The following IL23R variants were observed in gnomAD, a reference collection of about 807,000 sequenced individuals.
IL23R encodes the protein interleukin 23 receptor.
In IL23R, 34 loss-of-function variants were observed where a neutral mutation model predicts 56.9. That is an observed-to-expected ratio of 0.60 (90% confidence interval 0.45 to 0.80). The LOEUF (loss-of-function observed/expected upper bound fraction) is 0.80. IL23R is among the 30% of genes least tolerant of loss of function. The pLI is 0.00. For missense variants in IL23R, 635 were observed against 730.0 expected (o/e 0.87, Z 1.50); for synonymous variants, 230 against 249.2 (o/e 0.92, Z 0.73).
intron 1 of IL23R, among the ~76,000 whole-genome samples, chr1:67,155,527 T>C (rs1646764090): frequency 6.6e-6 from 1 of 152,174 alleles, no homozygotes; most frequent in Non-Finnish European, 1.5e-5. Context: ...CTGTGTGTCT[T>C]ATTTCAGCAA....
chr1:67,184,547 C>T (rs904847645), intron 4 of IL23R, among the ~76,000 whole-genome samples: 2 of 140,720 alleles, frequency 1.4e-5, no homozygotes, highest in African/African-American at 5.3e-5. Flanking sequence ...AACTCTGTCT[C>T]AAAAAATAAA....
At chr1:67,250,006 C>T (rs1427015102) in intron 9 of IL23R, among the ~76,000 whole-genome samples, 2 of 152,168 alleles carry the variant, frequency 1.3e-5, no homozygotes, top group Non-Finnish European at 2.9e-5. Context: ...ATAAGATTAA[C>T]TTTTCATAAA....
chr1:67,258,307 A>G (rs1653060154), intron 10 of IL23R, among the ~76,000 whole-genome samples, 171 bp from the exon 11 acceptor site: 1 of 152,186 alleles, frequency 6.6e-6, no homozygotes, highest in Non-Finnish European at 1.5e-5. Context: ...TTTGGAAGCA[A>G]GCAGGATAAC....
chr1:67,180,735 C>T (rs898773968), intron 3 of IL23R, among the ~76,000 whole-genome samples: 2 of 152,154 alleles, frequency 1.3e-5, no homozygotes, highest in African/African-American at 4.8e-5. Context: ...TACAATTTGG[C>T]ACGTTTTTGC....
intron 1 of IL23R, among the ~76,000 whole-genome samples, chr1:67,149,538 C>T (rs962044345): frequency 6.6e-6 from 1 of 151,990 alleles, no homozygotes; most frequent in Non-Finnish European, 1.5e-5. Flanking sequence ...TTGTATTTCC[C>T]GAAGTACTCT....
At chr1:67,157,973 T>C (rs1436161306) in intron 1 of IL23R, among the ~76,000 whole-genome samples, 1 of 152,218 alleles carries the variant, frequency 6.6e-6, no homozygotes, top group African/African-American at 2.4e-5. Context: ...CCCAGCACTT[T>C]GGGTGGCCAA....
chr1:67,156,595 G>A (rs1484764467), intron 1 of IL23R, among the ~76,000 whole-genome samples: 1 of 152,162 alleles, frequency 6.6e-6, no homozygotes, highest in Non-Finnish European at 1.5e-5. Flanking sequence ...AAACCTCCCA[G>A]TCTCCTTAGG....
downstream of IL23R, among the ~76,000 whole-genome samples, chr1:67,260,734 G>A (rs995626736): frequency 6.6e-6 from 1 of 152,108 alleles, no homozygotes; most frequent in Non-Finnish European, 1.5e-5. Context: ...GATCAGAACA[G>A]TTTAAAATAG....
chr1:67,206,646 A>G (rs1649084515), intron 5 of IL23R, among the ~76,000 whole-genome samples: 1 of 151,336 alleles, frequency 6.6e-6, no homozygotes, highest in Non-Finnish European at 1.5e-5. Flanking sequence ...AGGGAGTGAA[A>G]GGTGGGGGAA....
At chr1:67,162,536 A>T (rs1427544398), upstream of IL23R, among the ~76,000 whole-genome samples, 2 of 152,184 alleles carry the variant, frequency 1.3e-5, no homozygotes, top group Non-Finnish European at 2.9e-5. Context: ...TTCCTTCGAT[A>T]TCCTAGATTC....
chr1:67,162,061 C>A (rs1646826579), upstream of IL23R, among the ~76,000 whole-genome samples: 1 of 151,738 alleles, frequency 6.6e-6, no homozygotes, highest in African/African-American at 2.4e-5. Flanking sequence ...GATAAAATAG[C>A]CTTTTACTAT....
intron 1 of IL23R, among the ~76,000 whole-genome samples, chr1:67,154,074 A>G (rs1010439388): frequency 1.3e-5 from 2 of 152,016 alleles, no homozygotes; most frequent in Non-Finnish European, 2.9e-5. Flanking sequence ...GGCCTTGAGT[A>G]AGTTTCTTAA....
At chr1:67,264,901 TG>T (rs1181597655), downstream of IL23R, among the ~76,000 whole-genome samples, 1 of 152,238 alleles carries the variant, frequency 6.6e-6, no homozygotes, top group African/African-American at 2.4e-5. Flanking sequence ...CATTTTTGTC[TG>T]GGGTAGTAAA....
intron 1 of IL23R, among the ~76,000 whole-genome samples, chr1:67,167,336 G>T (rs1295840272): frequency 1.3e-5 from 2 of 152,216 alleles, no homozygotes; most frequent in Non-Finnish European, 1.5e-5. Context: ...CTCCCAAAGT[G>T]CTGGGATTAC....
At chr1:67,197,284 C>T (rs1648233882) in intron 4 of IL23R, among the ~76,000 whole-genome samples, 1 of 151,978 alleles carries the variant, frequency 6.6e-6, no homozygotes, top group African/African-American at 2.4e-5. Flanking sequence ...GAGGACTTCA[C>T]CTTGTAAAGG....
rs191818201 is a variant in IL23R, at chr1:67,230,422, A to C, written c.956-6291A>C. ...GAGGAATCTGTTGGCCACTGTGTAG[A>C]CTTGGAAGCTGTCCATTCTTTCATA... is the stretch of plus-strand genomic sequence containing the variant. On this transcript the variant is annotated intron_variant, in intron 7 of 10. Coordinates refer to ENST00000347310, the MANE Select transcript of IL23R (RefSeq NM_144701.3). Among the ~76,000 whole-genome samples, 87 of 152,312 alleles carry C rather than the reference A, an allele frequency of 5.7e-4. 2 individuals carry two copies. The East Asian group carries it at 0.012, about 21-fold the overall frequency.
chr1:67,248,247 C>T (rs1376632816), intron 9 of IL23R, among the ~76,000 whole-genome samples: 1 of 152,164 alleles, frequency 6.6e-6, no homozygotes, highest in Non-Finnish European at 1.5e-5. Context: ...CTTTTAGGTA[C>T]ACCGTTCAAA....
chr1:67,159,993 T>A (rs1489068620), intron 1 of IL23R, among the ~76,000 whole-genome samples: 2 of 152,314 alleles, frequency 1.3e-5, no homozygotes, highest in Non-Finnish European at 1.5e-5. Context: ...TTCACTAGTA[T>A]GTTTTTAAAT....
intron 7 of IL23R, among the ~76,000 whole-genome samples, chr1:67,233,655 A>C (rs1456847886): frequency 6.6e-6 from 1 of 152,176 alleles, no homozygotes; most frequent in Non-Finnish European, 1.5e-5. Flanking sequence ...GTCTTCTTGT[A>C]AGACTAAAGT....
Sources: gnomAD v4.1 joint callset for allele counts (sites outside exome capture counted in the v4.1 genomes callset) on GRCh38, gnomAD v4.1.1 for gene constraint, MANE v1.5 for transcripts, NCBI Gene and HGNC (gene_info 2026-07-23, HGNC 2026-07-21) for gene names.